ZFAND3: variants seen among roughly 807,000 people sequenced by gnomAD.
ZFAND3 encodes the protein zinc finger AN1-type containing 3.
ZFAND3 carries 10 observed loss-of-function variants against 29.6 expected under a neutral mutation model. The ratio of observed to expected loss-of-function variants is 0.34; its 90% CI spans 0.21 to 0.57. The LOEUF (loss-of-function observed/expected upper bound fraction) is 0.57. Among genes scored for constraint, ZFAND3 ranks in the 20% least tolerant of loss-of-function variants. The pLI is 0.86. For synonymous variants in ZFAND3, 128 were observed against 112.6 expected (o/e 1.14, Z -0.87); for missense variants, 230 against 304.5 (o/e 0.76, Z 1.82).
chr6:37,920,414 G>GTT (rs771128353), intron 1 of ZFAND3, among the ~76,000 whole-genome samples: 14 of 150,828 alleles, frequency 9.3e-5, no homozygotes, highest in Non-Finnish European at 2.1e-4. Flanking sequence ...CATCTTGTCT[G>GTT]TAATTGTTAG....
chr6:38,041,632 T>TCC (rs1763766125), intron 2 of ZFAND3, among the ~76,000 whole-genome samples: 13 of 3,390 alleles, frequency 3.8e-3, no homozygotes, highest in Admixed American at 0.019. Flanking sequence ...TATCTACTTT[T>TCC]TCTTCTTCTT....
intron 1 of ZFAND3, among the ~76,000 whole-genome samples, chr6:37,872,616 G>A (rs780198803): frequency 2.6e-5 from 4 of 152,080 alleles, no homozygotes; most frequent in Non-Finnish European, 5.9e-5. Context: ...GCTTGTTACT[G>A]AAATTTACGT....
At chr6:37,851,982 AT>A (rs981994866) in intron 1 of ZFAND3, among the ~76,000 whole-genome samples, 5 of 152,244 alleles carry the variant, frequency 3.3e-5, no homozygotes, top group African/African-American at 1.2e-4. Context: ...GCATATAAAA[AT>A]AATTTTGATC....
chr6:37,957,351 A>G (rs1411273737), intron 2 of ZFAND3, among the ~76,000 whole-genome samples: 1 of 145,896 alleles, frequency 6.9e-6, no homozygotes, highest in Non-Finnish European at 1.5e-5. Flanking sequence ...CTTTTTGTTG[A>G]TTGTGTAACC....
chr6:37,977,149 A>G (rs1762493604), intron 2 of ZFAND3, among the ~76,000 whole-genome samples: 1 of 152,140 alleles, frequency 6.6e-6, no homozygotes, highest in Non-Finnish European at 1.5e-5. Context: ...TAGTATCTAA[A>G]CATAAGTAGA....
chr6:37,889,318 T>C (rs1029328852), intron 1 of ZFAND3, among the ~76,000 whole-genome samples: 1 of 152,198 alleles, frequency 6.6e-6, no homozygotes, highest in Non-Finnish European at 1.5e-5. Context: ...AAAACTTCCC[T>C]TTACATGTTA....
At chr6:38,106,136 T>G (rs992462854) in intron 4 of ZFAND3, among the ~76,000 whole-genome samples, 6 of 151,840 alleles carry the variant, frequency 4.0e-5, no homozygotes, top group Non-Finnish European at 7.4e-5. Context: ...GAGTAGCAAC[T>G]TACATACAAA....
chr6:38,130,717 T>C (rs897455543), intron 5 of ZFAND3, among the ~76,000 whole-genome samples: 2 of 152,228 alleles, frequency 1.3e-5, no homozygotes, highest in Non-Finnish European at 1.5e-5. Flanking sequence ...GGTTAGCTAG[T>C]ATTTTGTTAA....
chr6:38,153,787 C>A lies in ZFAND3; in HGVS notation c.*1398C>A. On this transcript the variant is annotated 3_prime_UTR_variant, in exon 6 of 6. Coordinates refer to ENST00000287218, the MANE Select transcript of ZFAND3 (RefSeq NM_021943.3). ...TGAAAGCCCAGGCAGGGTGAGCAGTCCCAGTGGTCCTAGTGCCGCATCAGA... is the reference window on the plus strand; with the variant it reads ...TGAAAGCCCAGGCAGGGTGAGCAGTACCAGTGGTCCTAGTGCCGCATCAGA... The A allele has an allele frequency of 1.0e-6, 1 of 985,548 alleles. No individual in the cohort carries two copies. The highest frequency in any genetic ancestry group is 1.2e-6 in the Non-Finnish European group (1 of 830,008). 61.1% of individuals were successfully genotyped at this position (985,548 alleles called of 1,614,324 possible). A position where few individuals can be genotyped will look rare whatever the true frequency, so the allele number is the denominator to read the frequency against.
Position 38,153,172 on chromosome 6 carries a change from A to G in ZFAND3, c.*783A>G, listed in dbSNP as rs1341413142. 4.1e-6 allele frequency: 4 copies of G among 985,368 alleles called. No homozygotes were observed. Among genetic ancestry groups the G allele is most frequent in the African/African-American group, 1.7e-5 (1 of 57,260 alleles). The allele number at this position is 985,368 out of a possible 1,614,324, so 61.0% of individuals were successfully genotyped here. ...GCTCTGGTCTGCCATTCGCCAGTGC[A>G]GGGATCTGGCACGGACCAGATGTGG... On this transcript the variant is annotated 3_prime_UTR_variant, in exon 6 of 6. Coordinates refer to ENST00000287218, the MANE Select transcript of ZFAND3 (RefSeq NM_021943.3).
At chr6:37,934,089 T>C (rs1761649471) in intron 2 of ZFAND3, among the ~76,000 whole-genome samples, 1 of 152,006 alleles carries the variant, frequency 6.6e-6, no homozygotes, top group African/African-American at 2.4e-5. Flanking sequence ...AGTTTCTCCA[T>C]GTTGGTCACA....
intron 4 of ZFAND3, among the ~76,000 whole-genome samples, chr6:38,087,978 A>T (rs1482877417): frequency 1.3e-5 from 2 of 152,232 alleles, no homozygotes; most frequent in Non-Finnish European, 2.9e-5. Flanking sequence ...ATGATATTTT[A>T]AAAATTGATT....
chr6:38,145,534 G>A (rs1288147342), intron 5 of ZFAND3, among the ~76,000 whole-genome samples: 1 of 151,854 alleles, frequency 6.6e-6, no homozygotes, highest in Admixed American at 6.6e-5. Context: ...AGCTGTGGCT[G>A]TGGATGAGAG....
chr6:37,877,787 A>G (rs561484266), intron 1 of ZFAND3, among the ~76,000 whole-genome samples: 2 of 152,190 alleles, frequency 1.3e-5, no homozygotes, highest in Non-Finnish European at 2.9e-5. Flanking sequence ...AACTACTGAT[A>G]TTGAGAGGAG....
At chr6:37,880,108 G>T (rs1421692021) in intron 1 of ZFAND3, among the ~76,000 whole-genome samples, 2 of 152,136 alleles carry the variant, frequency 1.3e-5, no homozygotes, top group Non-Finnish European at 2.9e-5. Flanking sequence ...AGTATTAAAA[G>T]AAAGGTGAAT....
At chr6:38,014,515 C>T (rs1475549213) in intron 2 of ZFAND3, among the ~76,000 whole-genome samples, 10 of 151,742 alleles carry the variant, frequency 6.6e-5, no homozygotes, top group Non-Finnish European at 1.0e-4. Flanking sequence ...TTAGTAGAGA[C>T]GGGGTTTTGT....
intron 5 of ZFAND3, among the ~76,000 whole-genome samples, chr6:38,133,751 A>G (rs1328338954): frequency 4.7e-5 from 7 of 148,230 alleles, no homozygotes; most frequent in Admixed American, 1.3e-4. Flanking sequence ...CTCTGTCTCA[A>G]AAAAAAAAAA....
intron 2 of ZFAND3, among the ~76,000 whole-genome samples, chr6:38,049,957 TTTTTTTTTTTTG>T (rs1561980778): frequency 3.2e-4 from 3 of 9,274 alleles, no homozygotes; most frequent in Non-Finnish European, 2.3e-3. Flanking sequence ...TTTTTTTTTT[TTTTTTTTTTTTG>T]GGGGAGACAG....
chr6:37,973,272 C>T (rs1762422717), intron 2 of ZFAND3, among the ~76,000 whole-genome samples: 1 of 152,104 alleles, frequency 6.6e-6, no homozygotes, highest in South Asian at 2.1e-4. Context: ...TTCTATGCTC[C>T]ATTCTAGGTT....
Sources: allele counts gnomAD v4.1 joint callset (sites outside exome capture counted in the v4.1 genomes callset), GRCh38; gene constraint gnomAD v4.1.1; transcripts MANE v1.5; gene names NCBI Gene and HGNC (gene_info 2026-07-23, HGNC 2026-07-21).